The following LRP1B variants were observed in gnomAD, a reference collection of about 807,000 sequenced individuals.
The protein encoded by LRP1B is low-density lipoprotein receptor-related protein 1B.
A neutral mutation model predicts 556.6 loss-of-function variants in LRP1B; 217 were observed. The ratio of observed to expected loss-of-function variants is 0.39; its 90% CI spans 0.35 to 0.44. LRP1B has a LOEUF of 0.44. Among genes scored for constraint, LRP1B ranks in the 20% least tolerant of loss-of-function variants. The pLI is 1.00. For missense variants in LRP1B, 5,053 were observed against 5,620.8 expected (o/e 0.90, Z 3.23); for synonymous variants, 2,047 against 1,865.8 (o/e 1.10, Z -2.50).
intron 10 of LRP1B, among the ~76,000 whole-genome samples, chr2:141,052,298 A>T (rs1308628589): frequency 6.6e-6 from 1 of 151,964 alleles, no homozygotes; most frequent in African/African-American, 2.4e-5. Context: ...TAACATTTCT[A>T]GAGTATTTTC....
intron 11 of LRP1B, among the ~76,000 whole-genome samples, chr2:141,021,003 C>T (rs991562846): frequency 3.9e-5 from 6 of 151,994 alleles, no homozygotes; most frequent in Admixed American, 6.6e-5. Flanking sequence ...ATTACAACTA[C>T]GATTCCATTC....
intron 41 of LRP1B, chr2:140,683,727 C>A (rs1279348875): frequency 2.5e-6 from 2 of 803,118 alleles, no homozygotes; most frequent in Non-Finnish European, 4.3e-6. Context: ...TCTGTGCTCC[C>A]CGGGCTAGTC....
At chr2:141,063,453 C>G (rs549476368) in intron 7 of LRP1B, among the ~76,000 whole-genome samples, 135 of 151,788 alleles carry the variant, frequency 8.9e-4, no homozygotes, top group Middle Eastern at 6.8e-3. Context: ...TATATTTCAC[C>G]AAATGTTCTT....
At chr2:141,309,836 A>C (rs931625572) in intron 3 of LRP1B, among the ~76,000 whole-genome samples, 1 of 152,044 alleles carries the variant, frequency 6.6e-6, no homozygotes, top group African/African-American at 2.4e-5. Context: ...ACCCCACCCC[A>C]CTTTTTTTTA....
intron 3 of LRP1B, among the ~76,000 whole-genome samples, chr2:141,377,908 G>A (rs1398141471): frequency 6.6e-6 from 1 of 152,104 alleles, no homozygotes; most frequent in Non-Finnish European, 1.5e-5. Flanking sequence ...TATAAAGACA[G>A]CACCAAATGA....
chr2:141,756,300 C>G (rs748760496), intron 2 of LRP1B, among the ~76,000 whole-genome samples: 6 of 152,070 alleles, frequency 3.9e-5, no homozygotes, highest in Non-Finnish European at 7.4e-5. Context: ...AACCAGCCAG[C>G]TTTCCCCAAT....
At chr2:140,861,417 G>A (rs1165718902) in intron 27 of LRP1B, among the ~76,000 whole-genome samples, 2 of 152,098 alleles carry the variant, frequency 1.3e-5, no homozygotes, top group Non-Finnish European at 2.9e-5. Context: ...AAAAAACAAA[G>A]AGAAAGACTG....
chr2:141,498,406 T>C (rs1683595799), intron 2 of LRP1B, among the ~76,000 whole-genome samples: 1 of 151,260 alleles, frequency 6.6e-6, no homozygotes, highest in Non-Finnish European at 1.5e-5. Context: ...TATAGTTCCA[T>C]AGGCTACAAT....
chr2:141,215,844 G>A (rs1034856004), intron 6 of LRP1B, among the ~76,000 whole-genome samples: 2 of 152,164 alleles, frequency 1.3e-5, no homozygotes, highest in Non-Finnish European at 1.5e-5. Flanking sequence ...AGTTAACGTT[G>A]GAATTTGTAT....
At chr2:140,571,830 C>T (rs556563141) in intron 43 of LRP1B, among the ~76,000 whole-genome samples, 63 of 151,822 alleles carry the variant, frequency 4.1e-4, no homozygotes, top group South Asian at 8.3e-4. Context: ...CAACAGATAA[C>T]TTAAAAATAA....
chr2:141,823,268 C>T (rs1226854195), intron 1 of LRP1B, among the ~76,000 whole-genome samples: 1 of 152,158 alleles, frequency 6.6e-6, no homozygotes, highest in Non-Finnish European at 1.5e-5. Flanking sequence ...AAGAGAAGCT[C>T]TCCTGCATTG....
chr2:141,419,299 G>C (rs1475704792), intron 3 of LRP1B, among the ~76,000 whole-genome samples: 1 of 152,046 alleles, frequency 6.6e-6, no homozygotes, highest in African/African-American at 2.4e-5. Context: ...GGTCATGCTG[G>C]CCTCATAAAA....
intron 74 of LRP1B, 56 bp downstream of exon 74, chr2:140,357,923 A>C: frequency 6.4e-7 from 1 of 1,568,918 alleles, no homozygotes; most frequent in Non-Finnish European, 8.7e-7. Flanking sequence ...AGTCATGTAC[A>C]AGCAGAAGTT....
Position 141,883,384 on chromosome 2 carries a change from A to G in LRP1B, c.83-72983T>C, listed in dbSNP as rs6747832. ...TGGGAGAAAAAAGATTTAAAGTAAA[A>G]GATGAAATTTCACTAGTTTGGTAGA... On this transcript the variant is annotated intron_variant, in intron 1 of 90. Coordinates refer to ENST00000389484, the MANE Select transcript of LRP1B (RefSeq NM_018557.3). 9.7e-3 allele frequency among the ~76,000 whole-genome samples: 1,475 copies of G among 152,294 alleles called. 24 individuals carry two copies. The highest frequency in any genetic ancestry group is 0.034 in the African/African-American group (1,417 of 41,564).
chr2:140,275,277 G>A (rs1682622912), intron 84 of LRP1B, among the ~76,000 whole-genome samples: 1 of 152,022 alleles, frequency 6.6e-6, no homozygotes, highest in African/African-American at 2.4e-5. Flanking sequence ...TAAATAGGAA[G>A]GGCTGTAGAA....
chr2:142,087,026 C>A (rs934620013), intron 1 of LRP1B, among the ~76,000 whole-genome samples: 2 of 150,878 alleles, frequency 1.3e-5, no homozygotes, highest in Non-Finnish European at 3.0e-5. Context: ...GTTGATCTCT[C>A]GTTAGCTGAT....
At chr2:141,123,023 C>T (rs1190947516) in intron 7 of LRP1B, among the ~76,000 whole-genome samples, 2 of 152,036 alleles carry the variant, frequency 1.3e-5, no homozygotes, top group African/African-American at 4.8e-5. Flanking sequence ...ACCGCATGTT[C>T]TCACTCATAG....
At chr2:140,766,169 GA>G (rs1689097373) in intron 35 of LRP1B, among the ~76,000 whole-genome samples, 1 of 150,332 alleles carries the variant, frequency 6.7e-6, no homozygotes, top group African/African-American at 2.4e-5. Flanking sequence ...AATCAAGAAA[GA>G]ACCTATAATC....
At chr2:140,824,013 GA>G (rs1431368834) in intron 31 of LRP1B, among the ~76,000 whole-genome samples, 1 of 151,668 alleles carries the variant, frequency 6.6e-6, no homozygotes, top group African/African-American at 2.4e-5. Context: ...CCTGGGTGAT[GA>G]AATGATCTGA....
Sources: allele counts gnomAD v4.1 joint callset (sites outside exome capture counted in the v4.1 genomes callset), GRCh38; gene constraint gnomAD v4.1.1; transcripts MANE v1.5; gene names NCBI Gene and HGNC (gene_info 2026-07-23, HGNC 2026-07-21).